SPOCK3: variants seen among roughly 807,000 people sequenced by gnomAD.
SPOCK3 encodes testican-3.
Under a neutral mutation model 56.6 loss-of-function variants are expected in SPOCK3, and 30 were observed. The ratio of observed to expected loss-of-function variants is 0.53; its 90% CI spans 0.40 to 0.72. SPOCK3 has a LOEUF of 0.72. Ranked by LOEUF, SPOCK3 falls within the 30% of genes least tolerant of loss-of-function variation. The probability of loss-of-function intolerance (pLI) is 0.00; values close to 1 mark genes in which losing one functional copy is unlikely to be tolerated. For missense variants in SPOCK3, 527 were observed against 530.0 expected (o/e 0.99, Z 0.06); for synonymous variants, 196 against 183.3 (o/e 1.07, Z -0.56).
chr4:167,062,499 G>C lies in SPOCK3; in HGVS notation c.228C>G (p.Phe76Leu). The change falls in exon 3 of 11, where the codon TTC (phenylalanine) becomes TTG (leucine). Residue 76 changes from phenylalanine (F) to leucine (L), a missense_variant. Coordinates refer to ENST00000357545, the MANE Select transcript of SPOCK3 (RefSeq NM_001040159.2). Reference sequence around the variant, plus strand: ...AAATAGTTAGATTCTTACCCTGATCGAAGGGTTTTCCTGGACTCCAAGTGC... The same window carrying C: ...AAATAGTTAGATTCTTACCCTGATCCAAGGGTTTTCCTGGACTCCAAGTGC... ...YFRTWSPGKP[F>L]DQALDPAKDP... 6.2e-7 allele frequency: 1 copy of C among 1,603,246 alleles called. No individual in the cohort carries two copies. Among genetic ancestry groups the C allele is most frequent in the Non-Finnish European group, 8.5e-7 (1 of 1,171,656 alleles).
At chr4:166,886,229 A>G (rs1734191895) in intron 6 of SPOCK3, among the ~76,000 whole-genome samples, 1 of 152,114 alleles carries the variant, frequency 6.6e-6, no homozygotes, top group African/African-American at 2.4e-5. Context: ...ATATCCTTTG[A>G]ATGAATTTGA....
At chr4:166,870,539 T>C (rs925021617) in intron 6 of SPOCK3, among the ~76,000 whole-genome samples, 8 of 151,870 alleles carry the variant, frequency 5.3e-5, no homozygotes, top group African/African-American at 1.9e-4. Context: ...AAACTAGAAA[T>C]CAATAAGAGA....
intron 5 of SPOCK3, among the ~76,000 whole-genome samples, chr4:166,909,214 A>G (rs1235390581): frequency 6.6e-6 from 1 of 152,108 alleles, no homozygotes; most frequent in Non-Finnish European, 1.5e-5. Flanking sequence ...GAGGATTTCT[A>G]AAAACGCTGA....
At chr4:167,057,391 T>C (rs1755021037) in intron 3 of SPOCK3, among the ~76,000 whole-genome samples, 1 of 152,002 alleles carries the variant, frequency 6.6e-6, no homozygotes, top group African/African-American at 2.4e-5. Flanking sequence ...ACGAGCAAAA[T>C]AACCAGCTAA....
At chr4:166,842,534 G>C (rs1449497429) in intron 6 of SPOCK3, among the ~76,000 whole-genome samples, 1 of 152,170 alleles carries the variant, frequency 6.6e-6, no homozygotes, top group Non-Finnish European at 1.5e-5. Context: ...GACACAAGGT[G>C]CTGATTGGTG....
intron 6 of SPOCK3, among the ~76,000 whole-genome samples, chr4:166,814,345 G>A (rs563744275): frequency 6.6e-6 from 1 of 152,162 alleles, no homozygotes; most frequent in East Asian, 1.9e-4. Context: ...TGGCTGATAG[G>A]TAAAGTATTG....
chr4:167,225,108 A>G (rs1250662449), intron 2 of SPOCK3, among the ~76,000 whole-genome samples: 1 of 152,234 alleles, frequency 6.6e-6, no homozygotes, highest in Non-Finnish European at 1.5e-5. Context: ...TTTCCAAAAT[A>G]TACAAGCCAC....
chr4:166,927,883 A>G (rs1739298004), intron 4 of SPOCK3, among the ~76,000 whole-genome samples: 1 of 152,194 alleles, frequency 6.6e-6, no homozygotes, highest in South Asian at 2.1e-4. Flanking sequence ...AAACTCAACA[A>G]TAAGAAAAAA....
At chr4:167,086,889 T>C (rs1758252481) in intron 2 of SPOCK3, among the ~76,000 whole-genome samples, 1 of 152,052 alleles carries the variant, frequency 6.6e-6, no homozygotes, top group South Asian at 2.1e-4. Flanking sequence ...TTTAAACTTT[T>C]TCAAGTATAG....
intron 8 of SPOCK3, among the ~76,000 whole-genome samples, chr4:166,746,949 C>A (rs1270791673): frequency 2.0e-5 from 3 of 152,120 alleles, no homozygotes; most frequent in Non-Finnish European, 1.5e-5. Flanking sequence ...AGTTGAATCC[C>A]TGAATAGACC....
chr4:167,074,512 C>G (rs1217416152), intron 2 of SPOCK3, among the ~76,000 whole-genome samples: 1 of 151,904 alleles, frequency 6.6e-6, no homozygotes, highest in African/African-American at 2.4e-5. Flanking sequence ...GGCCTCTCCA[C>G]AGGGCAACTC....
chr4:166,891,458 C>T (rs1335125690), intron 5 of SPOCK3, among the ~76,000 whole-genome samples: 1 of 151,808 alleles, frequency 6.6e-6, no homozygotes, highest in East Asian at 1.9e-4. Flanking sequence ...TCTTAACGAG[C>T]CCTGCAACAA....
intron 6 of SPOCK3, among the ~76,000 whole-genome samples, chr4:166,878,944 T>C (rs1170666562): frequency 2.0e-5 from 3 of 152,140 alleles, no homozygotes; most frequent in Non-Finnish European, 4.4e-5. Flanking sequence ...AAATAATACA[T>C]GCAGCTAAAG....
chr4:167,060,306 GAAAAAACAAAC>G (rs1485315097), intron 3 of SPOCK3, among the ~76,000 whole-genome samples: 1 of 146,406 alleles, frequency 6.8e-6, no homozygotes, highest in Non-Finnish European at 1.5e-5. Flanking sequence ...AAAAAAAAAA[GAAAAAACAAAC>G]AAAAAAGAAA....
At chr4:166,957,508 T>C (rs1391885935) in intron 4 of SPOCK3, among the ~76,000 whole-genome samples, 1 of 152,194 alleles carries the variant, frequency 6.6e-6, no homozygotes, top group Non-Finnish European at 1.5e-5. Context: ...TCCATCATTC[T>C]AGTTGCTCAA....
chr4:167,206,487 A>T (rs1325318503), intron 2 of SPOCK3, among the ~76,000 whole-genome samples: 1 of 149,110 alleles, frequency 6.7e-6, no homozygotes, highest in Non-Finnish European at 1.5e-5. Flanking sequence ...AATATATAAG[A>T]ATTACATTAA....
At chr4:167,094,265 A>G (rs1324538731) in intron 2 of SPOCK3, among the ~76,000 whole-genome samples, 1 of 152,114 alleles carries the variant, frequency 6.6e-6, no homozygotes, top group Non-Finnish European at 1.5e-5. Context: ...TATTTTTAAA[A>G]TATAATATAC....
chr4:166,879,604 G>A (rs1733479233), intron 6 of SPOCK3, among the ~76,000 whole-genome samples: 1 of 152,178 alleles, frequency 6.6e-6, no homozygotes, highest in Non-Finnish European at 1.5e-5. Flanking sequence ...CCAGATAAAT[G>A]TTATTTTCAC....
rs371244093 is a variant in SPOCK3, at chr4:167,146,422, G to T, written c.190-83885C>A. Among the ~76,000 whole-genome samples the T allele has an allele frequency of 6.6e-4, 100 of 152,072 alleles. 3 individuals are homozygous for T. The South Asian group carries it at 8.3e-3, about 13-fold the overall frequency. Reference sequence around the variant, plus strand: ...ATCAACGAGACAGAAAATTAACAAGGATATCCAGGAGTTGAACTCAGCTTT... The same window carrying T: ...ATCAACGAGACAGAAAATTAACAAGTATATCCAGGAGTTGAACTCAGCTTT... On this transcript the variant is annotated intron_variant, in intron 2 of 10. Coordinates refer to ENST00000357545, the MANE Select transcript of SPOCK3 (RefSeq NM_001040159.2).
Sources: allele counts gnomAD v4.1 joint callset (sites outside exome capture counted in the v4.1 genomes callset), GRCh38; gene constraint gnomAD v4.1.1; transcripts MANE v1.5; gene names NCBI Gene and HGNC (gene_info 2026-07-23, HGNC 2026-07-21).